BLTP3B: variants seen among roughly 807,000 people sequenced by gnomAD.
The protein encoded by BLTP3B is UHRF1 (ICBP90) binding protein 1-like.
chr12:100,072,651 A>C, the BLTP3B span: 1 of 1,470,696 alleles, frequency 6.8e-7, no homozygotes, highest in Non-Finnish European at 9.0e-7. Context: ...ATGGACAAAT[A>C]ATAATTAAAA....
chr12:100,051,354 C>A, the BLTP3B span: 1 of 688,678 alleles, frequency 1.5e-6, no homozygotes, highest in South Asian at 3.4e-5. Flanking sequence ...AAAAATGGAC[C>A]AAGAAAAATT....
the BLTP3B span, among the ~76,000 whole-genome samples, chr12:100,118,529 T>C: frequency 6.6e-6 from 1 of 152,102 alleles, no homozygotes; most frequent in Non-Finnish European, 1.5e-5. Context: ...GACCATGGAA[T>C]AGAAAAAGGA....
chr12:100,070,866 T>G, the BLTP3B span, among the ~76,000 whole-genome samples: 1 of 151,676 alleles, frequency 6.6e-6, no homozygotes, highest in Non-Finnish European at 1.5e-5. Context: ...ATCAGCCAGA[T>G]GTGGTGGTGC....
chr12:100,057,650 G>A, the BLTP3B span: 1 of 1,612,708 alleles, frequency 6.2e-7, no homozygotes, highest in South Asian at 1.1e-5. Context: ...CAAGTGAAAT[G>A]GTATCCAATG....
chr12:100,059,115 G>A, the BLTP3B span: 2 of 1,614,124 alleles, frequency 1.2e-6, no homozygotes, highest in Non-Finnish European at 1.7e-6. Context: ...AAGAGGGAAT[G>A]AGTCTACAAA....
chr12:100,084,732 A>G, the BLTP3B span: 10 of 1,432,998 alleles, frequency 7.0e-6, no homozygotes, highest in African/African-American at 2.9e-5. Flanking sequence ...AATGCTTCCA[A>G]TGAGATTTAG....
At chr12:100,078,127 C>T in the BLTP3B span, among the ~76,000 whole-genome samples, 2 of 152,080 alleles carry the variant, frequency 1.3e-5, no homozygotes, top group Admixed American at 1.3e-4. Flanking sequence ...GAGGTGGAGC[C>T]TGATGGGAGG....
At chr12:100,057,862 A>G in the BLTP3B span, 2 of 1,289,118 alleles carry the variant, frequency 1.6e-6, no homozygotes, top group Non-Finnish European at 2.1e-6. Flanking sequence ...TTATATTTAA[A>G]CGTATAAGCT....
chr12:100,047,848 G>T, the BLTP3B span: 1 of 1,218,612 alleles, frequency 8.2e-7, no homozygotes, highest in Non-Finnish European at 1.1e-6. Context: ...AATGCTGATA[G>T]AATATATTTT....
the BLTP3B span, among the ~76,000 whole-genome samples, chr12:100,114,445 C>T: frequency 1.3e-5 from 2 of 152,128 alleles, no homozygotes; most frequent in African/African-American, 4.8e-5. Flanking sequence ...CTCAACTGGA[C>T]CCAATTCAAA....
the BLTP3B span, among the ~76,000 whole-genome samples, chr12:100,140,729 A>AAAAAAAATATAT: frequency 2.6e-4 from 16 of 61,488 alleles, no homozygotes; most frequent in African/African-American, 1.1e-3. Context: ...AAAAAAAAAA[A>AAAAAAAATATAT]ATATATATAT....
chr12:100,130,626 C>G, the BLTP3B span, among the ~76,000 whole-genome samples: 84 of 152,132 alleles, frequency 5.5e-4, 1 homozygote, highest in African/African-American at 2.0e-3. Flanking sequence ...GCAAAAGTAA[C>G]AAGTTGGGGC....
the BLTP3B span, among the ~76,000 whole-genome samples, chr12:100,081,832 A>G: frequency 2.6e-5 from 4 of 152,164 alleles, no homozygotes; most frequent in South Asian, 8.3e-4. Flanking sequence ...ATCTAGGTTG[A>G]TTCCATGACT....
chr12:100,117,303 A>T, the BLTP3B span, among the ~76,000 whole-genome samples: 1 of 152,192 alleles, frequency 6.6e-6, no homozygotes, highest in Non-Finnish European at 1.5e-5. Context: ...CAACGTCAAC[A>T]TCGGCAATAA....
the BLTP3B span, chr12:100,070,125 C>G: frequency 6.5e-7 from 1 of 1,540,580 alleles, no homozygotes; most frequent in Non-Finnish European, 8.8e-7. Flanking sequence ...GAGCAGATGT[C>G]TTCCTTCATC....
chr12:100,037,479 T>C, the BLTP3B span: 1 of 1,459,120 alleles, frequency 6.9e-7, no homozygotes, highest in Non-Finnish European at 8.9e-7. Flanking sequence ...TAATACTTTC[T>C]AAACTGGCTT....
chr12:100,076,216 A>G, the BLTP3B span, among the ~76,000 whole-genome samples: 1 of 152,112 alleles, frequency 6.6e-6, no homozygotes, highest in African/African-American at 2.4e-5. Context: ...AATATTCACA[A>G]AGTTCAACCA....
chr12:100,070,205 C>T, the BLTP3B span: 1 of 1,539,420 alleles, frequency 6.5e-7, no homozygotes, highest in Admixed American at 1.8e-5. Context: ...CACAGATAAA[C>T]AAAACAAAAC....
chr12:100,042,514 T>G, the BLTP3B span, among the ~76,000 whole-genome samples: 1 of 152,140 alleles, frequency 6.6e-6, no homozygotes, highest in Non-Finnish European at 1.5e-5. Flanking sequence ...AATTGAACAT[T>G]TGAGTTAAAG....
Sources: allele counts gnomAD v4.1 joint callset (sites outside exome capture counted in the v4.1 genomes callset), GRCh38; gene constraint gnomAD v4.1.1; transcripts MANE v1.5; gene names NCBI Gene and HGNC (gene_info 2026-07-23, HGNC 2026-07-21).